SLITRK3: variants seen among roughly 807,000 people sequenced by gnomAD.
SLITRK3 encodes SLIT and NTRK like family member 3.
A neutral mutation model predicts 63.6 loss-of-function variants in SLITRK3; 16 were observed. The ratio of observed to expected loss-of-function variants is 0.25; its 90% CI spans 0.17 to 0.38. SLITRK3 has a LOEUF of 0.38. Among genes scored for constraint, SLITRK3 ranks in the 10% least tolerant of loss-of-function variants. The pLI is 1.00. For synonymous variants in SLITRK3, 547 were observed against 451.6 expected (o/e 1.21, Z -2.68); for missense variants, 1,117 against 1,181.4 (o/e 0.95, Z 0.80).
In SLITRK3 at chr3:165,188,426, T is replaced by C. The variant is rs1718047225; in HGVS notation, c.2405A>G (p.Lys802Arg). ...LGSEQFAETP[K>R]ENHSNYRTLL... is the part of the protein sequence containing the mutation. ...GGTCCGGTAGTTACTATGGTTCTCC[T>C]TGGGTGTCTCAGCAAACTGCTCACT... The change falls in exon 2 of 2, where the codon AAG becomes AGG. Residue 802 changes from lysine to arginine, a missense_variant. Coordinates refer to ENST00000475390, the MANE Select transcript of SLITRK3 (RefSeq NM_001318810.2). The C allele has an allele frequency of 6.2e-7, 1 of 1,613,822 alleles. No individual in the cohort carries two copies. The highest frequency in any genetic ancestry group is 8.5e-7 in the Non-Finnish European group (1 of 1,179,974).
chr3:165,190,132 A>G lies in SLITRK3; in HGVS notation c.699T>C (p.Pro233=), dbSNP rs1718155584. 6.2e-7 allele frequency: 1 copy of G among 1,614,192 alleles called. No individual in the cohort carries two copies. The highest frequency in any genetic ancestry group is 8.5e-7 in the Non-Finnish European group (1 of 1,180,030). The change falls in exon 2 of 2, where the codon CCT becomes CCC. Residue 233 remains proline (P), a synonymous_variant. Transcript: ENST00000475390. Reference sequence around the variant, plus strand: ...GTACAATTTCACATGTACAGTTCCAAGGGTTTTCTTCCAGCTGGAGCTCCA... The same window carrying G: ...GTACAATTTCACATGTACAGTTCCAGGGGTTTTCTTCCAGCTGGAGCTCCA... The part of the protein sequence containing the change: ...SLMELQLEEN[P]WNCTCEIVQL...
intron 1 of SLITRK3, among the ~76,000 whole-genome samples, chr3:165,192,516 T>C (rs1042218277): frequency 6.6e-6 from 1 of 151,946 alleles, no homozygotes; most frequent in Non-Finnish European, 1.5e-5. Flanking sequence ...AGAGTTTTTT[T>C]GGGTTTCGGG....
At chr3:165,196,388 C>T (rs1375974259), upstream of SLITRK3, among the ~76,000 whole-genome samples, 1 of 144,536 alleles carries the variant, frequency 6.9e-6, no homozygotes, top group African/African-American at 2.6e-5. Flanking sequence ...GTCCTCTGAC[C>T]GCTCACCATT....
rs985671830 is a variant in SLITRK3 at position 165,187,459 on chromosome 3, T to C, written c.*438A>G. ...TGATGATAAGAAAGAAAGCCACAAA[T>C]GACAAATGTCAACTTGTTTCCCCCC... On this transcript the variant is annotated 3_prime_UTR_variant, in exon 2 of 2. Coordinates refer to ENST00000475390, the MANE Select transcript of SLITRK3 (RefSeq NM_001318810.2). 3 of 140,986 alleles carry C rather than the reference T, an allele frequency of 2.1e-5. No homozygotes were observed. In the Admixed American group the frequency reaches 2.3e-4, roughly 11 times the overall value. 8.7% of individuals were successfully genotyped at this position (140,986 alleles called of 1,614,324 possible). A position where few individuals can be genotyped will look rare whatever the true frequency, so the allele number is the denominator to read the frequency against.
rs756547434 is a variant in SLITRK3 at position 165,187,979 on chromosome 3, C to CT, written c.2851dup (p.Ser951LysfsTer2). 6.2e-7 allele frequency: 1 copy of CT among 1,613,814 alleles called. No individual in the cohort carries two copies. Among genetic ancestry groups the CT allele is most frequent in the African/African-American group, 1.3e-5 (1 of 74,832 alleles). ...TTTGGCCCTTAACTCGAGGTAATCA[C>CT]TTTTTTGGGTTTGGTGGTCTGTGAA... On this transcript the variant is annotated frameshift_variant, in exon 2 of 2. Transcript: ENST00000475390. LOFTEE classifies it high-confidence loss of function.
chr3:165,194,121 C>G lies in SLITRK3; in HGVS notation c.-22+1459G>C, dbSNP rs116650441. Among the ~76,000 whole-genome samples the G allele has an allele frequency of 7.8e-3, 1,193 of 152,252 alleles. 17 individuals are homozygous for G. Among genetic ancestry groups the G allele is most frequent in the African/African-American group, 0.027 (1,138 of 41,532 alleles). On this transcript the variant is annotated intron_variant, in intron 1 of 1. Transcript: ENST00000475390. Reference sequence around the variant, plus strand: ...GATGCTCCCCATCTGCCCCCACCAGCACACACCAATCCTGTCACCAACTCC... The same window carrying G: ...GATGCTCCCCATCTGCCCCCACCAGGACACACCAATCCTGTCACCAACTCC...
Position 165,190,012 on chromosome 3 carries a change from T to A in SLITRK3, c.819A>T (p.Arg273=). The part of the protein sequence containing the change: ...TPFHFHGKDL[R]EIRKTELCPL... ...GACAGAGTTCTGTCTTCCTGATTTC[T>A]CGTAGGTCCTTTCCATGGAAGTGGA... Residue 273 remains arginine, a synonymous_variant, in exon 2 of 2, where the codon CGA becomes CGT. Coordinates refer to ENST00000475390, the MANE Select transcript of SLITRK3 (RefSeq NM_001318810.2). 6.2e-7 allele frequency: 1 copy of A among 1,614,172 alleles called. No individual in the cohort carries two copies. Among genetic ancestry groups the A allele is most frequent in the Non-Finnish European group, 8.5e-7 (1 of 1,180,038 alleles).
Position 165,195,659 on chromosome 3 carries a change from T to G in SLITRK3, c.-101A>C, listed in dbSNP as rs948355124. On this transcript the variant is annotated 5_prime_UTR_variant, in exon 1 of 2. Transcript: ENST00000475390. The stretch of plus-strand genomic sequence containing the variant: ...AGGAGGGGCAAACTCTCTGCGAAGC[T>G]GAATTGTATCCATCATACTGTAGCC... 1.4e-4 allele frequency: 21 copies of G among 152,642 alleles called. No homozygotes were observed. The highest frequency in any genetic ancestry group is 2.6e-4 in the Non-Finnish European group (18 of 68,092). The allele number at this position is 152,642 out of a possible 1,614,324, so 9.5% of individuals were successfully genotyped here.
In SLITRK3 at chr3:165,190,332, C is replaced by T. The variant is rs756642904; in HGVS notation, c.499G>A (p.Gly167Arg). Reference sequence around the variant, plus strand: ...AATTTACTTAGGTTCCGAAATGCCCCACTCTCAATACGTTTAATGACATTG... The same window carrying T: ...AATTTACTTAGGTTCCGAAATGCCCTACTCTCAATACGTTTAATGACATTG... The part of the protein sequence containing the change: ...DYNVIKRIES[G>R]AFRNLSKLRV... Residue 167 changes from glycine to arginine, a missense_variant, in exon 2 of 2, where the codon GGG (glycine) becomes AGG (arginine). Transcript: ENST00000475390. The T allele has an allele frequency of 6.2e-7, 1 of 1,614,100 alleles. No individual in the cohort carries two copies. Among genetic ancestry groups the T allele is most frequent in the Non-Finnish European group, 8.5e-7 (1 of 1,180,028 alleles).
chr3:165,189,664 A>G lies in SLITRK3; in HGVS notation c.1167T>C (p.Thr389=). 6.2e-7 allele frequency: 1 copy of G among 1,614,218 alleles called. No individual in the cohort carries two copies. Among genetic ancestry groups the G allele is most frequent in the Non-Finnish European group, 8.5e-7 (1 of 1,180,046 alleles). The change falls in exon 2 of 2, where the codon ACT becomes ACC. Residue 389 remains threonine, a synonymous_variant. Coordinates refer to ENST00000475390, the MANE Select transcript of SLITRK3 (RefSeq NM_001318810.2). The surrounding 1 kb of genome is among the most constrained non-coding windows in gnomAD (Gnocchi z 4.0). The part of the protein sequence containing the change: ...CNLHINDLGL[T]VNCKERGFNN... Reference sequence around the variant, plus strand: ...TAAATCCTCGCTCTTTGCAGTTGACAGTCAAGCCAAGGTCATTGATGTGCA... The same window carrying G: ...TAAATCCTCGCTCTTTGCAGTTGACGGTCAAGCCAAGGTCATTGATGTGCA...
rs546557733 is a variant in SLITRK3, at chr3:165,190,085, C to T, written c.746G>A (p.Arg249His). The stretch of plus-strand genomic sequence containing the variant: ...TCCCACCAGGGCAGTATAAGGAATG[C>T]GTTCCAGCCAACTCTTCAGTTGTAC... Reference protein sequence around the residue: ...EIVQLKSWLERIPYTALVGDI... With the variant: ...EIVQLKSWLEHIPYTALVGDI... Residue 249 changes from arginine (R) to histidine (H), a missense_variant, in exon 2 of 2, where the codon CGC becomes CAC. By Grantham distance (29) the Arg-to-His change is conservative. This residue lies in a region of SLITRK3 where 452 missense variants were observed against 495.3 expected (regional missense o/e 0.91). Transcript: ENST00000475390. The T allele has an allele frequency of 1.6e-5, 26 of 1,614,138 alleles. No homozygotes were observed. Among genetic ancestry groups the T allele is most frequent in the Non-Finnish European group, 2.0e-5 (24 of 1,180,028 alleles).
Position 165,190,555 on chromosome 3 carries a change from T to G in SLITRK3, c.276A>C (p.Leu92Phe). ...TCAAATGAAGAAAACTGTTGGTATA[T>G]AATTTCCTCATAGAATTCCTCTGCA... Reference protein sequence around the residue: ...LYLQRNSMRKLYTNSFLHLNN... With the variant: ...LYLQRNSMRKFYTNSFLHLNN... Residue 92 changes from leucine to phenylalanine, a missense_variant, in exon 2 of 2, where the codon TTA becomes TTC. This residue lies in a region of SLITRK3 where 452 missense variants were observed against 495.3 expected (regional missense o/e 0.91). Transcript: ENST00000475390. 1.2e-6 allele frequency: 2 copies of G among 1,613,942 alleles called. No individual in the cohort carries two copies. Among genetic ancestry groups the G allele is most frequent in the Non-Finnish European group, 1.7e-6 (2 of 1,179,992 alleles).
rs755502979 is a variant in SLITRK3, at chr3:165,190,173, T to A, written c.658A>T (p.Ile220Phe). 1 of 1,614,218 alleles carries A rather than the reference T, an allele frequency of 6.2e-7. No homozygotes were observed. Among genetic ancestry groups the A allele is most frequent in the Non-Finnish European group, 8.5e-7 (1 of 1,180,034 alleles). ...TGGAGCTCCATCAGGCTTCTGCCAA[T>A]GTGATCTAGCATTCCTCGGTAAAAA... ...VLFYRGMLDH[I>F]GRSLMELQLE... Residue 220 changes from isoleucine (I) to phenylalanine (F), a missense_variant, in exon 2 of 2, where the codon ATT becomes TTT. Coordinates refer to ENST00000475390, the MANE Select transcript of SLITRK3 (RefSeq NM_001318810.2).
At chr3:165,195,322 A>C (rs1718378744) in intron 1 of SLITRK3, among the ~76,000 whole-genome samples, 1 of 152,088 alleles carries the variant, frequency 6.6e-6, no homozygotes, top group Non-Finnish European at 1.5e-5. Context: ...TCGCTCCGCC[A>C]CCTGGCCTAT....
At chr3:165,193,826 T>G (rs1172215128) in intron 1 of SLITRK3, among the ~76,000 whole-genome samples, 1 of 152,056 alleles carries the variant, frequency 6.6e-6, no homozygotes. Flanking sequence ...CTCTTTCTTA[T>G]TTTTTAAACT....
intron 1 of SLITRK3, among the ~76,000 whole-genome samples, chr3:165,193,321 A>C (rs1432367735): frequency 1.3e-5 from 2 of 148,984 alleles, no homozygotes; most frequent in Non-Finnish European, 1.5e-5. Flanking sequence ...TTTTTTTTAA[A>C]CTCTCAAGGA....
In SLITRK3 at chr3:165,188,361, T is replaced by A; in HGVS notation, c.2470A>T (p.Ser824Cys). Residue 824 changes from serine (S) to cysteine (C), a missense_variant, in exon 2 of 2, where the codon AGC becomes TGC. Ser to Cys is a moderately radical substitution (Grantham distance 112). Around this residue, in one of 4 missense-constraint regions of SLITRK3, gnomAD observed 499 missense variants for 463.6 expected, o/e 1.08. Transcript: ENST00000475390. Reference sequence around the variant, plus strand: ...GTCACTATGGTGTTAAGCTGGGAGCTGGACACTGCTAGGGCCCACTCCTTC... The same window carrying A: ...GTCACTATGGTGTTAAGCTGGGAGCAGGACACTGCTAGGGCCCACTCCTTC... ...KEKEWALAVS[S>C]SQLNTIVTVN... 1 of 1,614,050 alleles carries A rather than the reference T, an allele frequency of 6.2e-7. No homozygotes were observed. Among genetic ancestry groups the A allele is most frequent in the Non-Finnish European group, 8.5e-7 (1 of 1,180,026 alleles).
chr3:165,188,079 G>A lies in SLITRK3; in HGVS notation c.2752C>T (p.Pro918Ser). The A allele has an allele frequency of 6.2e-7, 1 of 1,613,810 alleles. No individual in the cohort carries two copies. The highest frequency in any genetic ancestry group is 8.5e-7 in the Non-Finnish European group (1 of 1,179,984). ...PKLKELHVHPPGMQYPDLQQD... is the reference protein window; with the variant it reads ...PKLKELHVHPSGMQYPDLQQD... ...TGTAAGTCTGGGTATTGCATGCCAG[G>A]AGGGTGCACGTGCAGTTCCTTTAAT... Residue 918 changes from proline (P) to serine (S), a missense_variant, in exon 2 of 2, where the codon CCT (proline) becomes TCT (serine). Around this residue, in one of 4 missense-constraint regions of SLITRK3, gnomAD observed 499 missense variants for 463.6 expected, o/e 1.08. Coordinates refer to ENST00000475390, the MANE Select transcript of SLITRK3 (RefSeq NM_001318810.2).
chr3:165,193,313 T>TTTC (rs1560056148), intron 1 of SLITRK3, among the ~76,000 whole-genome samples: 8 of 149,798 alleles, frequency 5.3e-5, no homozygotes, highest in African/African-American at 2.0e-4. Context: ...TTCTTTCTTT[T>TTTC]TTTTTAAACT....
Sources: gnomAD v4.1 joint callset for allele counts (sites outside exome capture counted in the v4.1 genomes callset) on GRCh38, gnomAD v4.1.1 for gene constraint, gnomAD v4.1.1 regional missense constraint, Gnocchi (gnomAD v3.1) non-coding constraint, MANE v1.5 for transcripts, NCBI Gene and HGNC (gene_info 2026-07-23, HGNC 2026-07-21) for gene names.